The following DNAH6 variants were observed in gnomAD, a reference collection of about 807,000 sequenced individuals.
DNAH6 encodes the protein dynein axonemal heavy chain 6.
Under a neutral mutation model 491.4 loss-of-function variants are expected in DNAH6, and 340 were observed. The ratio of observed to expected loss-of-function variants is 0.69; its 90% CI spans 0.63 to 0.76. The LOEUF (loss-of-function observed/expected upper bound fraction) is 0.76. Ranked by LOEUF, DNAH6 falls within the 30% of genes least tolerant of loss-of-function variation. The pLI is 0.00. For missense variants in DNAH6, 4,443 were observed against 4,972.2 expected (o/e 0.89, Z 3.20); for synonymous variants, 1,603 against 1,686.1 (o/e 0.95, Z 1.21).
rs1317659665 is a variant in DNAH6, at chr2:84,713,198, A to T, written c.9482A>T (p.Tyr3161Phe). 6.4e-7 allele frequency: 1 copy of T among 1,552,102 alleles called. No homozygotes were observed. The highest frequency in any genetic ancestry group is 8.7e-7 in the Non-Finnish European group (1 of 1,147,088). Residue 3161 changes from tyrosine (Y) to phenylalanine (F), a missense_variant, in exon 57 of 77, where the codon TAT becomes TTT. By Grantham distance (22) the Tyr-to-Phe change is conservative (BLOSUM62 3). Around this residue, in one of 3 missense-constraint regions of DNAH6, gnomAD observed 1,463 missense variants for 1,656.6 expected, o/e 0.88. Transcript: ENST00000389394. ...CGTCTTGGAGACTCAGACATTGATT[A>T]TGACAAAAACTTTAGGTTCTATATG... ...LIRLGDSDID[Y>F]DKNFRFYMTT...
At chr2:84,796,462 C>T in intron 69 of DNAH6, 37 bp downstream of exon 69, 1 of 1,462,746 alleles carries the variant, frequency 6.8e-7, no homozygotes, top group South Asian at 1.4e-5. Flanking sequence ...AAGGCCTTTC[C>T]CAAGAAGATG....
intron 29 of DNAH6, among the ~76,000 whole-genome samples, chr2:84,633,512 C>T (rs1429768694): frequency 6.6e-6 from 1 of 152,018 alleles, no homozygotes; most frequent in Non-Finnish European, 1.5e-5. Flanking sequence ...TTCTCTAGGG[C>T]CTGTGTCTGC....
At chr2:84,606,520 C>T (rs1019143897) in intron 20 of DNAH6, among the ~76,000 whole-genome samples, 1 of 152,048 alleles carries the variant, frequency 6.6e-6, no homozygotes, top group Non-Finnish European at 1.5e-5. Context: ...CCATTCAGAG[C>T]TTGATATGAA....
the DNAH6 span, among the ~76,000 whole-genome samples, chr2:84,494,603 A>C: frequency 1.3e-5 from 2 of 152,232 alleles, no homozygotes; most frequent in Admixed American, 6.5e-5. Context: ...ACATTAGAAA[A>C]AAACACGGGG....
intron 41 of DNAH6, among the ~76,000 whole-genome samples, chr2:84,681,079 C>T (rs931187090): frequency 1.4e-4 from 21 of 152,056 alleles, no homozygotes; most frequent in Admixed American, 1.4e-3. Flanking sequence ...CTTGGACTCA[C>T]CTCAAGCAGA....
intron 18 of DNAH6, 106 bp from the exon 19 acceptor site, chr2:84,604,233 G>A (rs890803374): frequency 1.2e-5 from 10 of 818,910 alleles, no homozygotes; most frequent in Non-Finnish European, 1.8e-5. Flanking sequence ...AAGAGGGTAA[G>A]TGGTGCTCTT....
chr2:84,679,174 G>A (rs1175325556), intron 41 of DNAH6, among the ~76,000 whole-genome samples: 1 of 152,074 alleles, frequency 6.6e-6, no homozygotes, highest in Middle Eastern at 3.2e-3. Context: ...AATAGTACAT[G>A]TATATTATAT....
chr2:84,468,781 C>A, the DNAH6 span, among the ~76,000 whole-genome samples: 4 of 152,130 alleles, frequency 2.6e-5, no homozygotes, highest in Admixed American at 2.0e-4. Context: ...TTTTCAAAGA[C>A]TTTTAACTAT....
At chr2:84,662,063 T>G (rs1185364656) in intron 37 of DNAH6, among the ~76,000 whole-genome samples, 1 of 151,944 alleles carries the variant, frequency 6.6e-6, no homozygotes, top group African/African-American at 2.4e-5. Context: ...CTCTCTAAAA[T>G]GGACTCTTAA....
At position 84,819,420 on chromosome 2, in the gene DNAH6, C is replaced by T; in HGVS notation, c.*12C>T. ...AGCTGAGCGAATGAAAAGGTGCCACCTCAGCCCTGAAAAAGAACCAGGCCA... is the reference window on the plus strand; with the variant it reads ...AGCTGAGCGAATGAAAAGGTGCCACTTCAGCCCTGAAAAAGAACCAGGCCA... On this transcript the variant is annotated 3_prime_UTR_variant, in exon 77 of 77. Transcript: ENST00000389394. 6.5e-7 allele frequency: 1 copy of T among 1,532,162 alleles called. No homozygotes were observed. Among genetic ancestry groups the T allele is most frequent in the Non-Finnish European group, 8.8e-7 (1 of 1,132,314 alleles). 94.9% of individuals were successfully genotyped at this position (1,532,162 alleles called of 1,614,324 possible). A position where few individuals can be genotyped will look rare whatever the true frequency, so the allele number is the denominator to read the frequency against.
chr2:84,683,525 C>T (rs559247500), intron 42 of DNAH6, among the ~76,000 whole-genome samples: 7 of 147,356 alleles, frequency 4.8e-5, no homozygotes, highest in Non-Finnish European at 8.9e-5. Context: ...TGGGTTCAAG[C>T]GATTCTGTAG....
intron 5 of DNAH6, among the ~76,000 whole-genome samples, chr2:84,546,908 G>C (rs778627682): frequency 3.9e-5 from 6 of 152,042 alleles, no homozygotes; most frequent in Non-Finnish European, 8.8e-5. Flanking sequence ...TTAATAGATG[G>C]GCCTTTCCAT....
At chr2:84,469,983 C>A in the DNAH6 span, among the ~76,000 whole-genome samples, 1 of 152,068 alleles carries the variant, frequency 6.6e-6, no homozygotes, top group African/African-American at 2.4e-5. This position sits in a 1 kb window ranked among gnomAD's most constrained non-coding sequence, Gnocchi z 4.0. Context: ...GGCCTCTAAC[C>A]CACTCTGTCT....
At chr2:84,818,980 G>A (rs1444458137) in intron 76 of DNAH6, among the ~76,000 whole-genome samples, 1 of 152,136 alleles carries the variant, frequency 6.6e-6, no homozygotes, top group Admixed American at 6.5e-5. Context: ...GGCTGAGGTA[G>A]GAGAATCACT....
chr2:84,680,618 G>A (rs2104724910), intron 41 of DNAH6, among the ~76,000 whole-genome samples: 1 of 152,044 alleles, frequency 6.6e-6, no homozygotes. Context: ...AGTGTGGCGG[G>A]GACATGGGGA....
chr2:84,596,240 T>C (rs7573574), intron 18 of DNAH6, among the ~76,000 whole-genome samples: 147,033 of 152,274 alleles, frequency 0.97, 71,034 homozygotes, highest in East Asian at 1. Flanking sequence ...TTTTTGAAAC[T>C]ATCTCAGCTA....
In DNAH6 at chr2:84,588,919, G is replaced by A. The variant is rs1036294871; in HGVS notation, c.2575G>A (p.Ala859Thr). 34 of 1,550,046 alleles carry A rather than the reference G, an allele frequency of 2.2e-5. No homozygotes were observed. Among genetic ancestry groups the A allele is most frequent in the Non-Finnish European group, 2.8e-5 (32 of 1,146,370 alleles). The change falls in exon 16 of 77, where the codon GCA (alanine) becomes ACA (threonine). Residue 859 changes from alanine (A) to threonine (T), a missense_variant. Transcript: ENST00000389394. ...QSVLADLQKR[A>T]FQYKSYQKNF... ...TGTTCTGGCTGATCTTCAGAAACGT[G>A]CATTTCAGTATAAGTCCTATCAGAA...
intron 52 of DNAH6, among the ~76,000 whole-genome samples, chr2:84,706,073 G>T (rs1390645242): frequency 6.6e-6 from 1 of 152,164 alleles, no homozygotes; most frequent in Non-Finnish European, 1.5e-5. Context: ...GTGCTTGATG[G>T]TGTCATCTGA....
chr2:84,481,287 A>T, the DNAH6 span, among the ~76,000 whole-genome samples: 2 of 152,228 alleles, frequency 1.3e-5, no homozygotes, highest in Non-Finnish European at 2.9e-5. Context: ...TTAGGCAAAG[A>T]CTTTCAAATG....
Sources: gnomAD v4.1 joint callset for allele counts (sites outside exome capture counted in the v4.1 genomes callset) on GRCh38, gnomAD v4.1.1 for gene constraint, gnomAD v4.1.1 regional missense constraint, Gnocchi (gnomAD v3.1) non-coding constraint, MANE v1.5 for transcripts, NCBI Gene and HGNC (gene_info 2026-07-23, HGNC 2026-07-21) for gene names.